Variants in ZC3H13 observed in about 807,000 individuals in gnomAD.
ZC3H13 encodes zinc finger CCCH-type containing 13, also known as zinc finger CCCH domain-containing protein 13.
A neutral mutation model predicts 204.1 loss-of-function variants in ZC3H13; 64 were observed. The observed-to-expected ratio is 0.31, with a 90% confidence interval of 0.26 to 0.39. The LOEUF (loss-of-function observed/expected upper bound fraction) is 0.39, where lower values mean the gene tolerates loss of function less well. Ranked by LOEUF, ZC3H13 falls within the 10% of genes least tolerant of loss-of-function variation. ZC3H13 has a pLI of 1.00. For missense variants in ZC3H13, 1,833 were observed against 2,082.7 expected (o/e 0.88, Z 2.33); for synonymous variants, 667 against 693.7 (o/e 0.96, Z 0.60).
At chr13:45,995,963 AT>A (rs2040305456) in intron 8 of ZC3H13, among the ~76,000 whole-genome samples, 1 of 152,134 alleles carries the variant, frequency 6.6e-6, no homozygotes, top group South Asian at 2.1e-4. Context: ...CTATTTTTTC[AT>A]TTGACCACAA....
At chr13:45,999,176 C>T (rs1046766947) in intron 8 of ZC3H13, among the ~76,000 whole-genome samples, 5 of 152,060 alleles carry the variant, frequency 3.3e-5, no homozygotes, top group African/African-American at 9.7e-5. Flanking sequence ...TGATGGGAGG[C>T]GGAGGCTACA....
chr13:45,992,225 G>T (rs1019402216), intron 8 of ZC3H13, among the ~76,000 whole-genome samples: 9 of 152,078 alleles, frequency 5.9e-5, no homozygotes, highest in African/African-American at 2.2e-4. Flanking sequence ...TACATATGAA[G>T]TTTATATTTA....
At chr13:46,009,729 T>C (rs1287834833) in intron 7 of ZC3H13, among the ~76,000 whole-genome samples, 2 of 152,160 alleles carry the variant, frequency 1.3e-5, no homozygotes, top group Admixed American at 6.5e-5. Context: ...TAATCATTTC[T>C]ATTTTTACTT....
intron 1 of ZC3H13, among the ~76,000 whole-genome samples, chr13:46,050,461 G>A (rs944335979): frequency 3.3e-5 from 5 of 152,126 alleles, no homozygotes; most frequent in African/African-American, 4.8e-5. Context: ...ATCCGGATGA[G>A]TAGCGGCATA....
chr13:45,972,813 G>A (rs1952695486), intron 12 of ZC3H13, among the ~76,000 whole-genome samples: 2 of 152,200 alleles, frequency 1.3e-5, no homozygotes, highest in East Asian at 3.8e-4. Flanking sequence ...CTGTGCAAAT[G>A]TGAAGAGGAT....
chr13:45,983,413 A>ATTTTTTTTTT lies in ZC3H13; in HGVS notation c.1720+1874_1720+1883dup. ...AAGCCCCTTCTACTTATATATATAT[A>ATTTTTTTTTT]TTTTTTTTTTTTTTTTTTTTTTTTT... is the stretch of plus-strand genomic sequence containing the variant. On this transcript the variant is annotated intron_variant, in intron 10 of 18. Coordinates refer to ENST00000679008, the MANE Select transcript of ZC3H13 (RefSeq NM_001330564.2). Among the ~76,000 whole-genome samples the ATTTTTTTTTT allele has an allele frequency of 1.3e-4, 4 of 31,132 alleles. 1 individual carries two copies. The highest frequency in any genetic ancestry group is 1.5e-4 in the Non-Finnish European group (3 of 20,526). 20.4% of individuals were successfully genotyped at this position (31,132 alleles called of 152,430 possible).
intron 1 of ZC3H13, among the ~76,000 whole-genome samples, chr13:46,046,053 T>G (rs1435200610): frequency 1.3e-5 from 2 of 152,210 alleles, no homozygotes; most frequent in Middle Eastern, 3.2e-3. Flanking sequence ...ATGAATGATA[T>G]TTTAGTATTT....
At chr13:45,970,019 CTGCA>C in intron 13 of ZC3H13, 48 bp from the exon 14 acceptor site, 2 of 1,543,994 alleles carry the variant, frequency 1.3e-6, no homozygotes, top group South Asian at 2.5e-5. Context: ...TTAGTAACCA[CTGCA>C]TGGTACATAT....
chr13:45,974,209 T>C (rs562093205), intron 12 of ZC3H13, among the ~76,000 whole-genome samples: 25 of 152,318 alleles, frequency 1.6e-4, no homozygotes, highest in Non-Finnish European at 2.8e-4. Flanking sequence ...AACTTCAAAA[T>C]TGACCAATCT....
At chr13:45,971,388 G>A (rs111842149) in intron 12 of ZC3H13, among the ~76,000 whole-genome samples, 220 of 152,210 alleles carry the variant, frequency 1.4e-3, no homozygotes, top group African/African-American at 5.0e-3. Flanking sequence ...ATGATCTTCA[G>A]CAAAAGCATA....
rs760372557 is a variant in ZC3H13 at position 45,975,551 on chromosome 13, C to T, written c.2200G>A (p.Asp734Asn). 6.9e-6 allele frequency: 11 copies of T among 1,588,694 alleles called. No homozygotes were observed. Among genetic ancestry groups the T allele is most frequent in the Non-Finnish European group, 8.6e-6 (10 of 1,167,632 alleles). The change falls in exon 12 of 19, where the codon GAT becomes AAT. Residue 734 changes from aspartate to asparagine, a missense_variant. Physicochemically the swap from Asp to Asn is conservative, Grantham distance 23. Coordinates refer to ENST00000679008, the MANE Select transcript of ZC3H13 (RefSeq NM_001330564.2). ...DRERDRDRDH[D>N]RERERERERD... Reference sequence around the variant, plus strand: ...TCCCTCTCTCTTTCCCGCTCTCGATCGTGGTCTCGGTCTCTATCCCTTTCA... The same window carrying T: ...TCCCTCTCTCTTTCCCGCTCTCGATTGTGGTCTCGGTCTCTATCCCTTTCA...
intron 8 of ZC3H13, among the ~76,000 whole-genome samples, chr13:46,000,932 G>C (rs989040116): frequency 6.6e-6 from 1 of 152,130 alleles, no homozygotes; most frequent in Admixed American, 6.6e-5. Flanking sequence ...AAGGAATACA[G>C]AGGCCCAAGG....
intron 1 of ZC3H13, 53 bp downstream of exon 1, chr13:46,052,351 G>C (rs190588925): frequency 2.5e-6 from 1 of 393,504 alleles, no homozygotes; most frequent in Non-Finnish European, 4.5e-6. Flanking sequence ...TCCGCATTAC[G>C]GGTCCGCTCA....
At chr13:45,983,415 T>A (rs201953996) in intron 10 of ZC3H13, among the ~76,000 whole-genome samples, 61 of 10,938 alleles carry the variant, frequency 5.6e-3, no homozygotes, top group East Asian at 0.027. Flanking sequence ...ATATATATAT[T>A]TTTTTTTTTT....
chr13:45,974,084 T>C (rs891081278), intron 12 of ZC3H13, among the ~76,000 whole-genome samples: 1 of 152,154 alleles, frequency 6.6e-6, no homozygotes, highest in African/African-American at 2.4e-5. Context: ...AGCAAGAAAA[T>C]TGAAGATACA....
chr13:45,970,722 T>C (rs566328667), intron 12 of ZC3H13, among the ~76,000 whole-genome samples: 3 of 152,246 alleles, frequency 2.0e-5, no homozygotes, highest in East Asian at 3.9e-4. Context: ...CAAGTGAAAA[T>C]TGCCAGATTT....
Position 45,957,265 on chromosome 13 carries a change from T to C in ZC3H13, c.4872A>G (p.Pro1624=). Residue 1624 remains proline (P), a synonymous_variant, in exon 19 of 19, where the codon CCA becomes CCG. Transcript: ENST00000679008. ...GTIKQAYTSA[P]MVDNELLRLS... ...ATCGAAGTAATTCATTGTCTACCATTGGAGCACTCGTGTAAGCTTGTTTTA... is the reference window on the plus strand; with the variant it reads ...ATCGAAGTAATTCATTGTCTACCATCGGAGCACTCGTGTAAGCTTGTTTTA... 1 of 1,545,894 alleles carries C rather than the reference T, an allele frequency of 6.5e-7. No individual in the cohort carries two copies.
intron 7 of ZC3H13, among the ~76,000 whole-genome samples, chr13:46,006,850 T>C (rs925339390): frequency 1.3e-5 from 2 of 151,114 alleles, no homozygotes; most frequent in African/African-American, 4.9e-5. Flanking sequence ...GTTAACCATG[T>C]AAACAAGTAG....
chr13:46,042,124 C>T (rs1236680741), intron 4 of ZC3H13, 40 bp downstream of exon 4: 2 of 1,470,816 alleles, frequency 1.4e-6, no homozygotes, highest in Admixed American at 3.4e-5. Context: ...TAACAAATCA[C>T]TACTGAAGTT....
Sources: allele counts gnomAD v4.1 joint callset (sites outside exome capture counted in the v4.1 genomes callset), GRCh38; gene constraint gnomAD v4.1.1; transcripts MANE v1.5; gene names NCBI Gene and HGNC (gene_info 2026-07-23, HGNC 2026-07-21).